The following GALNT17 variants were observed in gnomAD, a reference collection of about 807,000 sequenced individuals.
GALNT17 encodes polypeptide N-acetylgalactosaminyltransferase 17.
In GALNT17, 29 loss-of-function variants were observed where a neutral mutation model predicts 63.7. The observed-to-expected ratio is 0.46, with a 90% CI of 0.34 to 0.62. GALNT17 has a LOEUF of 0.62. GALNT17 is among the 20% of genes least tolerant of loss of function. GALNT17 has a pLI of 0.01. For missense variants in GALNT17, 603 were observed against 799.6 expected, an observed-to-expected ratio of 0.75 and a Z score of 2.97; for synonymous variants, 305 against 318.3, an observed-to-expected ratio of 0.96 and a Z score of 0.45.
At chr7:71,292,680 TGTGTGTGTG>T (rs1562976185) in intron 1 of GALNT17, among the ~76,000 whole-genome samples, 1 of 146,978 alleles carries the variant, frequency 6.8e-6, no homozygotes, top group Non-Finnish European at 1.5e-5. Context: ...TGTGTGTGTG[TGTGTGTGTG>T]TGTGTGTGTG....
At chr7:71,228,481 A>G (rs1309699436) in intron 1 of GALNT17, among the ~76,000 whole-genome samples, 2 of 152,100 alleles carry the variant, frequency 1.3e-5, no homozygotes, top group Non-Finnish European at 2.9e-5. Context: ...GTATCCTCCC[A>G]ATTAAGGAGG....
chr7:71,488,675 G>C (rs563859576), intron 5 of GALNT17, among the ~76,000 whole-genome samples: 1 of 149,804 alleles, frequency 6.7e-6, no homozygotes, highest in Non-Finnish European at 1.5e-5. Context: ...TGCCTCCTAG[G>C]TTCAAGCAAT....
At chr7:71,217,275 CT>C (rs1051359945) in intron 1 of GALNT17, among the ~76,000 whole-genome samples, 2 of 150,306 alleles carry the variant, frequency 1.3e-5, no homozygotes, top group Non-Finnish European at 1.5e-5. Flanking sequence ...GTGCCCGGTG[CT>C]TTTTTTTCTT....
intron 1 of GALNT17, among the ~76,000 whole-genome samples, chr7:71,298,738 GTA>G (rs1791132251): frequency 2.2e-5 from 3 of 138,752 alleles, no homozygotes; most frequent in South Asian, 4.4e-4. Flanking sequence ...GTGTGTGTGT[GTA>G]TGTATGTGTG....
intron 1 of GALNT17, among the ~76,000 whole-genome samples, chr7:71,313,913 G>A (rs908277746): frequency 6.6e-6 from 1 of 152,130 alleles, no homozygotes; most frequent in Non-Finnish European, 1.5e-5. Flanking sequence ...TTAGCCTTGG[G>A]AAGGGATTAA....
chr7:71,533,550 A>G (rs979913894), intron 5 of GALNT17, among the ~76,000 whole-genome samples: 1 of 152,142 alleles, frequency 6.6e-6, no homozygotes, highest in African/African-American at 2.4e-5. Flanking sequence ...GGGCAGAACA[A>G]TATGCACAGA....
At chr7:71,503,201 C>T (rs12112455) in intron 5 of GALNT17, among the ~76,000 whole-genome samples, 3,204 of 152,298 alleles carry the variant, frequency 0.021, 113 homozygotes, top group African/African-American at 0.073. Context: ...CAATTCCCTA[C>T]ACGATCACAT....
At chr7:71,566,407 G>A (rs1789347775) in intron 5 of GALNT17, among the ~76,000 whole-genome samples, 1 of 152,152 alleles carries the variant, frequency 6.6e-6, no homozygotes, top group African/African-American at 2.4e-5. Flanking sequence ...TCAATGTTGG[G>A]TGTTTTCAGA....
chr7:71,238,651 T>G (rs1789938886), intron 1 of GALNT17, among the ~76,000 whole-genome samples: 1 of 152,180 alleles, frequency 6.6e-6, no homozygotes. Flanking sequence ...AGTGGGATAA[T>G]GAAATGGTGC....
At chr7:71,600,705 G>C (rs180758149) in intron 6 of GALNT17, among the ~76,000 whole-genome samples, 1 of 152,080 alleles carries the variant, frequency 6.6e-6, no homozygotes, top group African/African-American at 2.4e-5. Flanking sequence ...GCTGATTAGA[G>C]GGGTTTGTAC....
At chr7:71,299,103 T>C (rs10262128) in intron 1 of GALNT17, among the ~76,000 whole-genome samples, 82,322 of 151,860 alleles carry the variant, frequency 0.54, 22,700 homozygotes, top group East Asian at 0.83. Context: ...CCAGTAAGGC[T>C]TTTAGACCAC....
intron 1 of GALNT17, among the ~76,000 whole-genome samples, chr7:71,197,369 T>A (rs1348564682): frequency 6.7e-6 from 1 of 149,260 alleles, no homozygotes. Context: ...CCGGCTAATT[T>A]TTTTTTTTTT....
chr7:71,537,308 G>T (rs1020167373), intron 5 of GALNT17, among the ~76,000 whole-genome samples: 1 of 152,166 alleles, frequency 6.6e-6, no homozygotes, highest in African/African-American at 2.4e-5. Flanking sequence ...ATATGGTAGG[G>T]TGAATGGTGG....
intron 1 of GALNT17, among the ~76,000 whole-genome samples, chr7:71,302,401 A>G (rs921126807): frequency 6.6e-6 from 1 of 152,348 alleles, no homozygotes; most frequent in Non-Finnish European, 1.5e-5. Context: ...TATGCTGTCC[A>G]GGCTCAAGTG....
At chr7:71,151,108 C>G (rs1788125247) in intron 1 of GALNT17, among the ~76,000 whole-genome samples, 1 of 152,076 alleles carries the variant, frequency 6.6e-6, no homozygotes, top group Non-Finnish European at 1.5e-5. Flanking sequence ...GATTTTGGAG[C>G]TTATCTGTTA....
chr7:71,470,424 G>A (rs1787608599), intron 5 of GALNT17, among the ~76,000 whole-genome samples: 2 of 152,082 alleles, frequency 1.3e-5, no homozygotes, highest in African/African-American at 2.4e-5. Context: ...GAAATCGACA[G>A]GTCCTTGGCT....
intron 1 of GALNT17, among the ~76,000 whole-genome samples, chr7:71,303,961 G>A (rs910091511): frequency 1.3e-5 from 2 of 152,066 alleles, no homozygotes; most frequent in Non-Finnish European, 2.9e-5. Context: ...GCAAACAATC[G>A]GCTTTTCTTT....
chr7:71,610,676 TC>T (rs1790112083), intron 6 of GALNT17, among the ~76,000 whole-genome samples: 1 of 152,062 alleles, frequency 6.6e-6, no homozygotes, highest in South Asian at 2.1e-4. Flanking sequence ...TACATGAGAT[TC>T]TGGAGAAATC....
intron 1 of GALNT17, among the ~76,000 whole-genome samples, chr7:71,193,454 CTTTTT>C (rs1159902249): frequency 3.7e-5 from 4 of 107,316 alleles, no homozygotes; most frequent in Admixed American, 1.1e-4. Context: ...ACGCTTTTGT[CTTTTT>C]TTTTTTTTTT....
Sources: gnomAD v4.1 joint callset for allele counts (sites outside exome capture counted in the v4.1 genomes callset) on GRCh38, gnomAD v4.1.1 for gene constraint, MANE v1.5 for transcripts, NCBI Gene and HGNC (gene_info 2026-07-23, HGNC 2026-07-21) for gene names.